The following FOXP2 variants were observed in gnomAD, a reference collection of about 807,000 sequenced individuals.
FOXP2 encodes forkhead box P2, also known as forkhead box protein P2.
Under a neutral mutation model 115.8 loss-of-function variants are expected in FOXP2, and 12 were observed. That is an observed-to-expected ratio of 0.10 (90% confidence interval 0.07 to 0.17). The LOEUF (loss-of-function observed/expected upper bound fraction) is 0.17, where lower values mean the gene tolerates loss of function less well. Ranked by LOEUF, FOXP2 falls within the 10% of genes least tolerant of loss-of-function variation. The pLI is 1.00. For synonymous variants in FOXP2, 328 were observed against 297.7 expected (o/e 1.10, Z -1.05); for missense variants, 629 against 843.5 (o/e 0.75, Z 3.15).
chr7:114,570,081 G>A (rs1208376676), intron 3 of FOXP2, among the ~76,000 whole-genome samples: 1 of 151,830 alleles, frequency 6.6e-6, no homozygotes, highest in African/African-American at 2.4e-5. Flanking sequence ...TCTTTGAAAT[G>A]TCTAATGCTA....
At chr7:114,457,172 T>C (rs1173568088) in intron 2 of FOXP2, among the ~76,000 whole-genome samples, 1 of 152,024 alleles carries the variant, frequency 6.6e-6, no homozygotes. Context: ...ACCACACACA[T>C]CAAAAAAGGG....
At chr7:114,399,899 C>G (rs1792840613) in intron 2 of FOXP2, among the ~76,000 whole-genome samples, 1 of 147,878 alleles carries the variant, frequency 6.8e-6, no homozygotes, top group African/African-American at 2.6e-5. Context: ...CTCTGTCACC[C>G]AGGCTGGAGT....
intron 1 of FOXP2, among the ~76,000 whole-genome samples, chr7:114,201,341 T>C (rs1161639395): frequency 6.6e-6 from 1 of 151,972 alleles, no homozygotes. Context: ...GGTGTTCCTG[T>C]TGTCCCAGAT....
chr7:114,436,121 T>C (rs1234045409), intron 2 of FOXP2, among the ~76,000 whole-genome samples: 1 of 152,164 alleles, frequency 6.6e-6, no homozygotes, highest in African/African-American at 2.4e-5. Flanking sequence ...ATACTAATTA[T>C]TGGCTATGTA....
At chr7:114,182,860 T>C (rs912347352) in intron 1 of FOXP2, among the ~76,000 whole-genome samples, 3 of 152,144 alleles carry the variant, frequency 2.0e-5, no homozygotes, top group Non-Finnish European at 2.9e-5. Context: ...ATGTACATAT[T>C]ATAGGCCATC....
At chr7:114,478,501 A>G (rs1796386286) in intron 2 of FOXP2, among the ~76,000 whole-genome samples, 1 of 151,820 alleles carries the variant, frequency 6.6e-6, no homozygotes, top group Non-Finnish European at 1.5e-5. Flanking sequence ...CTTTTCTTAT[A>G]CTTTTCCTGA....
chr7:114,465,960 C>A (rs1795780696), intron 2 of FOXP2, among the ~76,000 whole-genome samples: 2 of 152,264 alleles, frequency 1.3e-5, no homozygotes, highest in African/African-American at 4.8e-5. Flanking sequence ...TATTTGAGAA[C>A]CCTTCCTGAG....
chr7:114,659,128 G>T (rs1806742551), intron 11 of FOXP2, among the ~76,000 whole-genome samples: 1 of 152,112 alleles, frequency 6.6e-6, no homozygotes, highest in Non-Finnish European at 1.5e-5. Context: ...AGGCCAGCAG[G>T]TCGCACAGTT....
chr7:114,527,848 T>C (rs1181311015), intron 2 of FOXP2, among the ~76,000 whole-genome samples: 2 of 152,126 alleles, frequency 1.3e-5, no homozygotes, highest in Non-Finnish European at 2.9e-5. Flanking sequence ...TGACAGTACC[T>C]CTCATGATTC....
chr7:114,575,941 A>T (rs1383016528), intron 3 of FOXP2, among the ~76,000 whole-genome samples: 2 of 151,912 alleles, frequency 1.3e-5, no homozygotes, highest in African/African-American at 4.8e-5. Context: ...ATTTTATAAA[A>T]TACTGTATAC....
chr7:114,467,294 T>G (rs888325800), intron 2 of FOXP2, among the ~76,000 whole-genome samples: 3 of 152,192 alleles, frequency 2.0e-5, no homozygotes, highest in Admixed American at 6.5e-5. Flanking sequence ...TCATTTTAAA[T>G]ATCTGGCTTT....
chr7:114,622,593 G>C (rs906660268), intron 3 of FOXP2, among the ~76,000 whole-genome samples: 5 of 151,912 alleles, frequency 3.3e-5, no homozygotes, highest in Non-Finnish European at 5.9e-5. Context: ...GTGAAATTAA[G>C]ATGATTATCA....
intron 2 of FOXP2, among the ~76,000 whole-genome samples, chr7:114,492,203 G>T (rs1397922211): frequency 1.3e-5 from 2 of 152,134 alleles, no homozygotes; most frequent in Non-Finnish European, 2.9e-5. Flanking sequence ...TTGCGTAGAG[G>T]TGTTTATAGT....
chr7:114,661,756 G>T (rs1311548967), intron 13 of FOXP2: 5 of 364,544 alleles, frequency 1.4e-5, no homozygotes, highest in African/African-American at 2.1e-5. Context: ...TGACCTAATT[G>T]TTCTGGCATT....
intron 2 of FOXP2, among the ~76,000 whole-genome samples, chr7:114,359,800 G>A (rs532063662): frequency 3.9e-5 from 6 of 152,332 alleles, no homozygotes; most frequent in Admixed American, 3.9e-4. Flanking sequence ...ATTGTATCTA[G>A]GAAGTAATTA....
intron 1 of FOXP2, among the ~76,000 whole-genome samples, chr7:114,229,286 C>T (rs1471333775): frequency 2.0e-5 from 3 of 151,124 alleles, no homozygotes; most frequent in African/African-American, 4.8e-5. Context: ...ATTGCCAGAA[C>T]TGAAAAGAGA....
chr7:114,516,321 A>T (rs1430331244), intron 2 of FOXP2, among the ~76,000 whole-genome samples: 1 of 152,310 alleles, frequency 6.6e-6, no homozygotes, highest in Middle Eastern at 3.4e-3. Context: ...AGGATTTCCT[A>T]TTTAATAAAT....
intron 1 of FOXP2, among the ~76,000 whole-genome samples, chr7:114,103,777 AT>A (rs1190447611): frequency 6.6e-6 from 1 of 151,610 alleles, no homozygotes; most frequent in Non-Finnish European, 1.5e-5. Flanking sequence ...AAATAATTTC[AT>A]TTTTTCCCTT....
At position 114,654,013 on chromosome 7, in the gene FOXP2, A is replaced by G. The variant is rs976890961; in HGVS notation, c.1266+4A>G. The G allele has an allele frequency of 6.2e-7, 1 of 1,613,312 alleles. No individual in the cohort carries two copies. Among genetic ancestry groups the G allele is most frequent in the Non-Finnish European group, 8.5e-7 (1 of 1,179,408 alleles). ...GCCCAAACCATCTCCCAAACCTGTA[A>G]GTGCATATTGCTTTATAAACAGTAA... On this transcript the variant is annotated splice_donor_region_variant and intron_variant, in intron 10 of 16. Transcript: ENST00000350908.
Sources: gnomAD v4.1 joint callset for allele counts (sites outside exome capture counted in the v4.1 genomes callset) on GRCh38, gnomAD v4.1.1 for gene constraint, MANE v1.5 for transcripts, NCBI Gene and HGNC (gene_info 2026-07-23, HGNC 2026-07-21) for gene names.